The following NFU1 variants were observed in gnomAD, a reference collection of about 807,000 sequenced individuals.
NFU1 encodes the protein NFU1 iron-sulfur cluster scaffold, also known as NFU1 iron-sulfur cluster scaffold homolog, mitochondrial.
A neutral mutation model predicts 32.2 loss-of-function variants in NFU1; 30 were observed. That is an observed-to-expected ratio of 0.93 (90% CI 0.70 to 1.26). NFU1 has a LOEUF of 1.26. Ranked by LOEUF, NFU1 falls within the 50% of genes most tolerant of loss-of-function variation. The pLI is 0.00. For synonymous variants in NFU1, 112 were observed against 104.6 expected, an observed-to-expected ratio of 1.07 and a Z score of -0.43; for missense variants, 306 against 306.6, an observed-to-expected ratio of 1.00 and a Z score of 0.02.
intron 1 of NFU1, among the ~76,000 whole-genome samples, chr2:69,433,226 TGGA>T (rs1467814956): frequency 2.0e-5 from 3 of 151,048 alleles, no homozygotes; most frequent in Non-Finnish European, 4.4e-5. Context: ...TGGCCCAGGC[TGGA>T]GTGCAATGGC....
chr2:69,413,460 C>T (rs914765972), intron 5 of NFU1, among the ~76,000 whole-genome samples: 3 of 151,688 alleles, frequency 2.0e-5, no homozygotes, highest in African/African-American at 7.3e-5. Context: ...CTTTTAGGAA[C>T]ATAATCTAAA....
intron 1 of NFU1, among the ~76,000 whole-genome samples, chr2:69,433,402 A>C (rs2104817514): frequency 6.6e-6 from 1 of 151,084 alleles, no homozygotes. Flanking sequence ...ATGGTCTCGA[A>C]CTCTTGACCT....
intron 7 of NFU1, among the ~76,000 whole-genome samples, chr2:69,396,723 C>T (rs1672349020): frequency 6.6e-6 from 1 of 152,108 alleles, no homozygotes; most frequent in Admixed American, 6.5e-5. Flanking sequence ...ATCACTTCTC[C>T]TTGTCTCAAA....
chr2:69,437,795 C>G (rs773052817), upstream of NFU1, among the ~76,000 whole-genome samples: 2 of 152,236 alleles, frequency 1.3e-5, no homozygotes, highest in Non-Finnish European at 2.9e-5. Context: ...CCCTACTCAG[C>G]CTCCAGGCCC....
chr2:69,400,343 T>G (rs1047865618), intron 7 of NFU1, 21 bp downstream of exon 7: 2 of 1,603,984 alleles, frequency 1.2e-6, no homozygotes, highest in Admixed American at 1.7e-5. Flanking sequence ...AAATCTAGAC[T>G]GTCATATAAT....
chr2:69,421,291 A>G (rs548032239), intron 3 of NFU1, among the ~76,000 whole-genome samples: 3 of 152,232 alleles, frequency 2.0e-5, no homozygotes, highest in African/African-American at 7.2e-5. Context: ...GATATGTTTA[A>G]GAAAAAAAAA....
intron 1 of NFU1, among the ~76,000 whole-genome samples, chr2:69,434,319 T>C (rs551725100): frequency 1.3e-5 from 2 of 151,850 alleles, no homozygotes. Flanking sequence ...AATTTTTGTA[T>C]TTTTAGTAGA....
intron 7 of NFU1, among the ~76,000 whole-genome samples, chr2:69,396,829 T>C (rs1468012502): frequency 6.6e-6 from 1 of 151,928 alleles, no homozygotes; most frequent in African/African-American, 2.4e-5. Flanking sequence ...TCCCAGCACT[T>C]TGGGAGGCTG....
chr2:69,421,607 G>A (rs193065981), intron 3 of NFU1, among the ~76,000 whole-genome samples: 527 of 117,262 alleles, frequency 4.5e-3, no homozygotes, highest in Admixed American at 8.0e-3. Context: ...TCGCTCTGTC[G>A]CCCAGGCTGG....
chr2:69,437,242 C>G, intron 1 of NFU1, 119 bp downstream of exon 1: 5 of 1,492,938 alleles, frequency 3.3e-6, no homozygotes, highest in Non-Finnish European at 4.4e-6. Context: ...CAGGGCGGAC[C>G]CGCCGGCTCC....
chr2:69,423,244 GTGTGTGTGTGTGTGTGT>G (rs1673318797), intron 3 of NFU1, among the ~76,000 whole-genome samples: 1 of 2,882 alleles, frequency 3.5e-4, no homozygotes, highest in African/African-American at 3.3e-3. Flanking sequence ...CTCTGTGTGA[GTGTGTGTGTGTGTGTGT>G]GTGTGTGTGT....
upstream of NFU1, chr2:69,437,517 C>T: frequency 2.0e-6 from 3 of 1,463,412 alleles, no homozygotes; most frequent in African/African-American, 1.4e-5. Context: ...CTGGGAAGAG[C>T]CCACCCTACC....
At chr2:69,418,469 CCT>C (rs1491439901) in intron 4 of NFU1, among the ~76,000 whole-genome samples, 2 of 151,700 alleles carry the variant, frequency 1.3e-5, no homozygotes, top group Non-Finnish European at 2.9e-5. Context: ...CAGTATGTCC[CCT>C]TTTTTTCTTT....
At chr2:69,430,024 G>A in intron 2 of NFU1, 1 of 324,258 alleles carries the variant, frequency 3.1e-6, no homozygotes. Context: ...GTGAGACCCT[G>A]CCTCAAAAAC....
intron 7 of NFU1, among the ~76,000 whole-genome samples, chr2:69,399,941 C>T (rs567093884): frequency 6.6e-6 from 1 of 151,758 alleles, no homozygotes; most frequent in East Asian, 1.9e-4. Context: ...GGCGCGATCT[C>T]GGCTCACCGC....
rs542897743 is a variant in NFU1 at position 69,410,701 on chromosome 2, C to T, written c.484+4484G>A. The T allele has an allele frequency of 3.9e-5, 6 of 152,184 alleles. No homozygotes were observed. In the East Asian group the frequency reaches 1.2e-3, roughly 29 times the overall value. The allele number at this position is 152,184 out of a possible 1,614,324, so 9.4% of individuals were successfully genotyped here. A position where few individuals can be genotyped will look rare whatever the true frequency, so the allele number is the denominator to read the frequency against. Reference sequence around the variant, plus strand: ...AGAAGAACGCTTTATGATAACAAAACCTATATAGTACCTAGAACTAACATG... The same window carrying T: ...AGAAGAACGCTTTATGATAACAAAATCTATATAGTACCTAGAACTAACATG... On this transcript the variant is annotated intron_variant, in intron 5 of 7. Transcript: ENST00000410022.
At chr2:69,418,070 C>T (rs888677516) in intron 4 of NFU1, among the ~76,000 whole-genome samples, 3 of 151,664 alleles carry the variant, frequency 2.0e-5, no homozygotes, top group Non-Finnish European at 2.9e-5. Context: ...AATGTTCATC[C>T]CTTCTTCTCC....
At position 69,432,665 on chromosome 2, in the gene NFU1, T is replaced by C. The variant is rs190523308; in HGVS notation, c.63-660A>G. Among the ~76,000 whole-genome samples the C allele has an allele frequency of 2.5e-3, 377 of 152,172 alleles. 1 individual carries two copies. The highest frequency in any genetic ancestry group is 4.1e-3 in the Non-Finnish European group (276 of 67,996). On this transcript the variant is annotated intron_variant, in intron 1 of 7. Transcript: ENST00000410022. ...GTTATACAGGAAGGAAGCAAATAAC[T>C]ATAAGCTTTTTTATTTTTTTAAAAA...
Position 69,437,389 on chromosome 2 carries a change from C to T in NFU1, c.34G>A (p.Ala12Thr), listed in dbSNP as rs748407851. Residue 12 changes from alanine to threonine, a missense_variant, in exon 1 of 8, where the codon GCG becomes ACG. Coordinates refer to ENST00000410022, the MANE Select transcript of NFU1 (RefSeq NM_001002755.4). ...CTGCGCAGCCCGGCGGCAACAGCCG[C>T]AGCTCCCCAGCCCCGCCTGGCCGTC... ...AATARRGWGA[A>T]AVAAGLRRRF... The T allele has an allele frequency of 2.5e-6, 4 of 1,609,728 alleles. No homozygotes were observed. In the African/African-American group the frequency reaches 4.0e-5, roughly 16 times the overall value.
Sources: gnomAD v4.1 joint callset for allele counts (sites outside exome capture counted in the v4.1 genomes callset) on GRCh38, gnomAD v4.1.1 for gene constraint, MANE v1.5 for transcripts, NCBI Gene and HGNC (gene_info 2026-07-23, HGNC 2026-07-21) for gene names.